CSMD3: variants seen among roughly 807,000 people sequenced by gnomAD.
CSMD3 encodes the protein CUB and Sushi multiple domains 3.
CSMD3 carries 177 observed loss-of-function variants against 435.2 expected under a neutral mutation model. The observed-to-expected ratio is 0.41, with a 90% CI of 0.36 to 0.46. The LOEUF (loss-of-function observed/expected upper bound fraction) is 0.46. Among genes scored for constraint, CSMD3 ranks in the 20% least tolerant of loss-of-function variants. The pLI, the probability that CSMD3 is intolerant of heterozygous loss-of-function variation, is 0.34. For missense variants in CSMD3, 4,265 were observed against 4,504.6 expected, an observed-to-expected ratio of 0.95 and a Z score of 1.52; for synonymous variants, 1,656 against 1,520.5, an observed-to-expected ratio of 1.09 and a Z score of -2.07.
At chr8:112,923,534 T>C (rs2082812383) in intron 9 of CSMD3, among the ~76,000 whole-genome samples, 1 of 152,150 alleles carries the variant, frequency 6.6e-6, no homozygotes, top group Admixed American at 6.6e-5. Flanking sequence ...TCTTCAGAAG[T>C]CCTGTATCTC....
intron 13 of CSMD3, among the ~76,000 whole-genome samples, chr8:112,735,218 G>A (rs2077161047): frequency 1.3e-5 from 2 of 152,026 alleles, no homozygotes; most frequent in South Asian, 4.1e-4. Flanking sequence ...AGTATGAGCT[G>A]AAGTTGGTTA....
chr8:112,751,626 A>AG (rs372415007), intron 13 of CSMD3, among the ~76,000 whole-genome samples: 4,518 of 138,660 alleles, frequency 0.033, 106 homozygotes, highest in East Asian at 0.078. Context: ...TAAGAAGTTT[A>AG]GGTTTTTTTT....
chr8:113,436,358 A>C (rs2094706139), intron 1 of CSMD3, among the ~76,000 whole-genome samples: 1 of 152,176 alleles, frequency 6.6e-6, no homozygotes, highest in South Asian at 2.1e-4. Flanking sequence ...GGTAATCCTC[A>C]CCACTAAGAA....
intron 4 of CSMD3, among the ~76,000 whole-genome samples, chr8:113,132,671 TGTGAAAGCGAACTAATACAGAAG>T (rs1461721795): frequency 6.6e-6 from 1 of 152,106 alleles, no homozygotes; most frequent in Admixed American, 6.6e-5. Flanking sequence ...TTTATAGTAG[TGTGAAAGCGAACTAATACAGAAG>T]CTTTCCCAAA....
At chr8:112,480,386 T>C (rs1053194796) in intron 31 of CSMD3, among the ~76,000 whole-genome samples, 19 of 152,182 alleles carry the variant, frequency 1.2e-4, no homozygotes, top group Admixed American at 3.3e-4. Flanking sequence ...CAGGGGATGA[T>C]TGTATTTTTC....
chr8:112,383,707 G>C (rs2131256390), intron 36 of CSMD3, 44 bp from the exon 37 acceptor site: 1 of 1,156,978 alleles, frequency 8.6e-7, no homozygotes, highest in South Asian at 1.2e-5. Context: ...TTTCTAACCA[G>C]ATACACATAA....
chr8:112,692,631 T>G (rs2131836815), intron 13 of CSMD3, among the ~76,000 whole-genome samples: 1 of 152,290 alleles, frequency 6.6e-6, no homozygotes, highest in Non-Finnish European at 1.5e-5. Context: ...TCAAATTCAT[T>G]TCACATACTT....
At chr8:112,299,848 A>G (rs1820735130) in intron 53 of CSMD3, among the ~76,000 whole-genome samples, 1 of 151,964 alleles carries the variant, frequency 6.6e-6, no homozygotes, top group African/African-American at 2.4e-5. Context: ...TATTCTCTAC[A>G]ATGGATGATC....
intron 13 of CSMD3, among the ~76,000 whole-genome samples, chr8:112,746,052 C>T (rs2077418518): frequency 6.6e-6 from 1 of 152,078 alleles, no homozygotes; most frequent in Non-Finnish European, 1.5e-5. Flanking sequence ...GTATGGGAAA[C>T]TCATAAAGCT....
At chr8:112,422,551 G>C (rs912346922) in intron 32 of CSMD3, among the ~76,000 whole-genome samples, 7 of 152,094 alleles carry the variant, frequency 4.6e-5, no homozygotes, top group Middle Eastern at 3.2e-3. Context: ...CTACTTCCTG[G>C]TGTGTGCCCT....
At chr8:113,109,482 A>G (rs1465209499) in intron 4 of CSMD3, among the ~76,000 whole-genome samples, 2 of 152,234 alleles carry the variant, frequency 1.3e-5, no homozygotes, top group African/African-American at 4.8e-5. Flanking sequence ...TCCCATTCCA[A>G]TAGGGAGAAA....
At chr8:113,250,128 G>A (rs1446081330) in intron 3 of CSMD3, among the ~76,000 whole-genome samples, 4 of 152,154 alleles carry the variant, frequency 2.6e-5, no homozygotes, top group East Asian at 3.9e-4. Context: ...CAGGATTTGC[G>A]TCAGGGGATC....
intron 2 of CSMD3, among the ~76,000 whole-genome samples, chr8:113,295,476 A>T (rs1459528760): frequency 6.6e-6 from 1 of 152,200 alleles, no homozygotes; most frequent in Non-Finnish European, 1.5e-5. Context: ...CATAAAAAAT[A>T]ATACTGTTTT....
intron 32 of CSMD3, among the ~76,000 whole-genome samples, chr8:112,434,802 T>C (rs758168950): frequency 3.3e-5 from 5 of 152,112 alleles, no homozygotes; most frequent in Non-Finnish European, 7.4e-5. Flanking sequence ...CCCCAAGTAA[T>C]AAGCTTTAGT....
At chr8:112,511,633 G>C (rs1268438819) in intron 28 of CSMD3, among the ~76,000 whole-genome samples, 1 of 151,808 alleles carries the variant, frequency 6.6e-6, no homozygotes, top group Admixed American at 6.6e-5. Context: ...CTTGTGATCC[G>C]CTCGTCTCGG....
At chr8:112,917,345 AG>A (rs1260222340) in intron 10 of CSMD3, among the ~76,000 whole-genome samples, 5 of 151,970 alleles carry the variant, frequency 3.3e-5, no homozygotes, top group African/African-American at 1.2e-4. Context: ...TGAGGAAATA[AG>A]GGAATATTGA....
intron 13 of CSMD3, among the ~76,000 whole-genome samples, chr8:112,723,077 CGTA>C (rs886332647): frequency 3.3e-5 from 5 of 149,294 alleles, no homozygotes; most frequent in African/African-American, 1.2e-4. Context: ...ATTGATAAAA[CGTA>C]GTGTTAAATT....
At chr8:112,918,246 G>C (rs750771032) in intron 10 of CSMD3, among the ~76,000 whole-genome samples, 11 of 151,864 alleles carry the variant, frequency 7.2e-5, no homozygotes, top group South Asian at 4.2e-4. Context: ...ACAATTTCAT[G>C]CTTTTTGAAT....
chr8:112,883,554 AT>A (rs2081506265), intron 10 of CSMD3, among the ~76,000 whole-genome samples: 3 of 151,876 alleles, frequency 2.0e-5, no homozygotes, highest in East Asian at 1.9e-4. Flanking sequence ...ACTTTTTAGA[AT>A]TTTTTTGTAA....
Sources: allele counts gnomAD v4.1 joint callset (sites outside exome capture counted in the v4.1 genomes callset), GRCh38; gene constraint gnomAD v4.1.1; transcripts MANE v1.5; gene names NCBI Gene and HGNC (gene_info 2026-07-23, HGNC 2026-07-21).